The following TFEB variants were observed in gnomAD, a reference collection of about 807,000 sequenced individuals.
TFEB encodes transcription factor EB.
TFEB carries 12 observed loss-of-function variants against 48.0 expected under a neutral mutation model. That is an observed-to-expected ratio of 0.25 (90% CI 0.16 to 0.40). The LOEUF is 0.40. TFEB is among the 10% of genes least tolerant of loss of function. The pLI is 1.00. For missense variants in TFEB, 509 were observed against 640.3 expected, an observed-to-expected ratio of 0.79 and a Z score of 2.21; for synonymous variants, 244 against 261.4, an observed-to-expected ratio of 0.93 and a Z score of 0.64.
chr6:41,732,946 G>A, intron 1 of TFEB: 1 of 985,480 alleles, frequency 1.0e-6, no homozygotes, highest in Non-Finnish European at 1.2e-6. Flanking sequence ...GCTGTGGTTG[G>A]GGAAACCCCT....
chr6:41,688,229 G>A (rs1769118251), intron 4 of TFEB: 1 of 582,754 alleles, frequency 1.7e-6, no homozygotes, highest in Non-Finnish European at 2.9e-6. Flanking sequence ...TGCCCTCAAG[G>A]AGCCCCTGGC....
chr6:41,736,012 T>A, upstream of TFEB: 1 of 1,166,914 alleles, frequency 8.6e-7, no homozygotes, highest in Non-Finnish European at 1.3e-6. Flanking sequence ...GTGCAGGACC[T>A]GGATCTTGCA....
chr6:41,715,499 A>G (rs1423889281), intron 1 of TFEB, among the ~76,000 whole-genome samples: 5 of 151,996 alleles, frequency 3.3e-5, no homozygotes, highest in Admixed American at 2.0e-4. Context: ...GTGAAACCCC[A>G]TCTCTACTAA....
Position 41,688,160 on chromosome 6 carries a change from C to T in TFEB, c.550-132G>A, listed in dbSNP as rs377691250. ...TGTCAAAATTCACCTTGGGCCCTTT[C>T]ACCCAGCAATTCAACCTGAAGGTCT... On this transcript the variant is annotated intron_variant, in intron 4 of 8. Coordinates refer to ENST00000373033, the MANE Select transcript of TFEB (RefSeq NM_001271944.2). The T allele has an allele frequency of 1.5e-4, 168 of 1,145,486 alleles. No individual in the cohort carries two copies. In the East Asian group the frequency reaches 3.8e-3, roughly 26 times the overall value. 71.0% of individuals were successfully genotyped at this position (1,145,486 alleles called of 1,614,324 possible). A position where few individuals can be genotyped will look rare whatever the true frequency, so the allele number is the denominator to read the frequency against.
At chr6:41,728,749 G>A (rs1057180501) in intron 1 of TFEB, among the ~76,000 whole-genome samples, 2 of 152,118 alleles carry the variant, frequency 1.3e-5, no homozygotes, top group Non-Finnish European at 2.9e-5. Flanking sequence ...CCTACACCAG[G>A]AGGAGGCTGG....
At chr6:41,733,770 G>A in intron 1 of TFEB, 1 of 985,382 alleles carries the variant, frequency 1.0e-6, no homozygotes, top group Non-Finnish European at 1.2e-6. Flanking sequence ...TCCCCGGACA[G>A]TGAGCTCCCT....
chr6:41,700,515 G>T (rs1405750557), intron 1 of TFEB, among the ~76,000 whole-genome samples: 4 of 151,560 alleles, frequency 2.6e-5, no homozygotes. Context: ...ATTACATGAG[G>T]AAGCAGAGGC....
rs1315961581 is a variant in TFEB at position 41,734,715 on chromosome 6, C to A, written c.-23+635G>T. ...GGGAGAAAGAGACTGCCCAGGGACT[C>A]GAGGGGACGGGGCCAGGGGCGGCTT... On this transcript the variant is annotated intron_variant, in intron 1 of 8. Transcript: ENST00000373033. The surrounding 1 kb of genome is among the most constrained non-coding windows in gnomAD (Gnocchi z 4.0). Among the ~76,000 whole-genome samples, 1 of 151,028 alleles carries A rather than the reference C, an allele frequency of 6.6e-6. No individual in the cohort carries two copies. Among genetic ancestry groups the A allele is most frequent in the Non-Finnish European group, 1.5e-5 (1 of 67,768 alleles).
At chr6:41,693,468 G>A (rs1216883209) in intron 1 of TFEB, among the ~76,000 whole-genome samples, 2 of 152,146 alleles carry the variant, frequency 1.3e-5, no homozygotes, top group Non-Finnish European at 2.9e-5. Context: ...CCAGCCCCAG[G>A]CAGCATGGCC....
intron 1 of TFEB, among the ~76,000 whole-genome samples, chr6:41,704,738 G>C (rs1299051071): frequency 6.6e-6 from 1 of 152,222 alleles, no homozygotes; most frequent in Non-Finnish European, 1.5e-5. Flanking sequence ...TGGCGGGTGG[G>C]AGAACACAGC....
At chr6:41,686,542 G>C (rs1050211494) in intron 7 of TFEB, 6 of 262,014 alleles carry the variant, frequency 2.3e-5, no homozygotes, top group African/African-American at 1.6e-4. Context: ...ATGGAGTCTC[G>C]TTCTGTTGCC....
chr6:41,704,087 T>C (rs1581904116), intron 1 of TFEB, among the ~76,000 whole-genome samples: 1 of 152,240 alleles, frequency 6.6e-6, no homozygotes, highest in East Asian at 1.9e-4. Flanking sequence ...CCTCAGCTCT[T>C]GTTTCCTCTA....
chr6:41,722,810 G>A lies in TFEB; in HGVS notation c.-23+12540C>T, dbSNP rs145792281. Among the ~76,000 whole-genome samples, 171 of 152,302 alleles carry A rather than the reference G, an allele frequency of 1.1e-3. 1 individual carries two copies. Among genetic ancestry groups the A allele is most frequent in the South Asian group, 4.1e-3 (20 of 4,830 alleles). On this transcript the variant is annotated intron_variant, in intron 1 of 8. Transcript: ENST00000373033. ...CTGCACACAAACATGCTATGTCCTG[G>A]TGAAGTGTTAACCTGTGCAGGCACT... is the stretch of plus-strand genomic sequence containing the variant.
Position 41,686,141 on chromosome 6 carries a change from G to A in TFEB, c.900C>T (p.Asn300=), listed in dbSNP as rs1220104211. ...KDLQKSRELE[N]HSRRLEMTNK... ...TGGTCATCTCCAGGCGGCGAGAGTG[G>A]TTCTCCAGCTCCCTGGACTTTTGCA... is the stretch of plus-strand genomic sequence containing the variant. The change falls in exon 8 of 9, where the codon AAC becomes AAT. Residue 300 remains asparagine (N), a synonymous_variant. Coordinates refer to ENST00000373033, the MANE Select transcript of TFEB (RefSeq NM_001271944.2). 9 of 1,614,136 alleles carry A rather than the reference G, an allele frequency of 5.6e-6. No homozygotes were observed. Among genetic ancestry groups the A allele is most frequent in the Non-Finnish European group, 7.6e-6 (9 of 1,180,050 alleles).
intron 1 of TFEB, among the ~76,000 whole-genome samples, chr6:41,697,345 T>A (rs1249988274): frequency 7.5e-6 from 1 of 132,644 alleles, no homozygotes; most frequent in African/African-American, 3.0e-5. Flanking sequence ...GAGGCAGAGG[T>A]TGCAGTGAAC....
rs1771395362 is a variant in TFEB at position 41,730,225 on chromosome 6, G to C, written c.-23+5125C>G. ...GCAGGTGATCATAATACCCAGCCAG[G>C]CTGCAGTAAGATGGAACAGTGCCCC... On this transcript the variant is annotated intron_variant, in intron 1 of 8. Coordinates refer to ENST00000373033, the MANE Select transcript of TFEB (RefSeq NM_001271944.2). This position sits in a 1 kb window ranked among gnomAD's most constrained non-coding sequence, Gnocchi z 4.1. Among the ~76,000 whole-genome samples, 1 of 152,198 alleles carries C rather than the reference G, an allele frequency of 6.6e-6. No homozygotes were observed. Among genetic ancestry groups the C allele is most frequent in the African/African-American group, 2.4e-5 (1 of 41,432 alleles).
rs1771052300 is a variant in TFEB at position 41,723,109 on chromosome 6, T to C, written c.-23+12241A>G. 6.6e-6 allele frequency among the ~76,000 whole-genome samples: 1 copy of C among 152,112 alleles called. No individual in the cohort carries two copies. Among genetic ancestry groups the C allele is most frequent in the African/African-American group, 2.4e-5 (1 of 41,418 alleles). On this transcript the variant is annotated intron_variant, in intron 1 of 8. Coordinates refer to ENST00000373033, the MANE Select transcript of TFEB (RefSeq NM_001271944.2). The surrounding 1 kb of genome is among the most constrained non-coding windows in gnomAD (Gnocchi z 6.0). The stretch of plus-strand genomic sequence containing the variant: ...CCCATCCTGCCCATGACCTTCTCAC[T>C]CGACCCTTGAAATAAGCCTGGAGAG...
rs902574283 is a variant in TFEB at position 41,720,961 on chromosome 6, C to G, written c.-23+14389G>C. Among the ~76,000 whole-genome samples, 12 of 152,222 alleles carry G rather than the reference C, an allele frequency of 7.9e-5. No individual in the cohort carries two copies. Among genetic ancestry groups the G allele is most frequent in the South Asian group, 2.1e-4 (1 of 4,834 alleles). ...ATGGGCAGCTCCTGCCAGGCCTGAC[C>G]CTGCAGCCTTCCACTGACGGCAGCC... is the stretch of plus-strand genomic sequence containing the variant. On this transcript the variant is annotated intron_variant, in intron 1 of 8. Transcript: ENST00000373033. This position sits in a 1 kb window ranked among gnomAD's most constrained non-coding sequence, Gnocchi z 4.1.
intron 1 of TFEB, among the ~76,000 whole-genome samples, chr6:41,697,266 G>T (rs1385937336): frequency 1.3e-5 from 2 of 151,850 alleles, no homozygotes; most frequent in Non-Finnish European, 2.9e-5. Context: ...AAATTAGCCA[G>T]GTGTGGTGGC....
Sources: allele counts gnomAD v4.1 joint callset (sites outside exome capture counted in the v4.1 genomes callset), GRCh38; gene constraint gnomAD v4.1.1; non-coding constraint Gnocchi (gnomAD v3.1); transcripts MANE v1.5; gene names NCBI Gene and HGNC (gene_info 2026-07-23, HGNC 2026-07-21).